The following WWC1 variants were observed in gnomAD, a reference collection of about 807,000 sequenced individuals.
The protein encoded by WWC1 is WW and C2 domain containing 1.
In WWC1, 55 loss-of-function variants were observed where a neutral mutation model predicts 138.4. That is an observed-to-expected ratio of 0.40 (90% confidence interval 0.32 to 0.50). The LOEUF is 0.50. Ranked by LOEUF, WWC1 falls within the 20% of genes least tolerant of loss-of-function variation. The probability of loss-of-function intolerance (pLI) is 0.72; values close to 1 mark genes in which losing one functional copy is unlikely to be tolerated. For synonymous variants in WWC1, 524 were observed against 564.9 expected, an observed-to-expected ratio of 0.93 and a Z score of 1.03; for missense variants, 1,226 against 1,420.4, an observed-to-expected ratio of 0.86 and a Z score of 2.20.
chr5:168,443,803 C>A (rs927265972), intron 16 of WWC1, among the ~76,000 whole-genome samples: 2 of 152,194 alleles, frequency 1.3e-5, no homozygotes, highest in Admixed American at 1.3e-4. Flanking sequence ...ACAAATTAAC[C>A]ATGTGCTCAG....
At chr5:168,305,968 G>GA (rs1770523637) in intron 1 of WWC1, among the ~76,000 whole-genome samples, 1 of 152,188 alleles carries the variant, frequency 6.6e-6, no homozygotes, top group African/African-American at 2.4e-5. Flanking sequence ...GAGATTAAAT[G>GA]AAAGTACCTT....
intron 1 of WWC1, among the ~76,000 whole-genome samples, chr5:168,370,436 G>A (rs78530879): frequency 0.012 from 1,868 of 152,268 alleles, 41 homozygotes; most frequent in African/African-American, 0.042. Context: ...GTCCTGTCCC[G>A]TTGTACTTCA....
intron 15 of WWC1, among the ~76,000 whole-genome samples, chr5:168,441,480 A>T (rs1014848311): frequency 1.3e-5 from 2 of 152,212 alleles, no homozygotes; most frequent in African/African-American, 4.8e-5. Flanking sequence ...AGATTTGGCA[A>T]ATGATTAAAC....
At chr5:168,452,314 C>G (rs907136863) in intron 17 of WWC1, among the ~76,000 whole-genome samples, 1 of 152,170 alleles carries the variant, frequency 6.6e-6, no homozygotes, top group Non-Finnish European at 1.5e-5. Flanking sequence ...GAAGCCCTAA[C>G]CCCTAGTACC....
At chr5:168,300,745 G>A (rs1218683603) in intron 1 of WWC1, among the ~76,000 whole-genome samples, 5 of 152,000 alleles carry the variant, frequency 3.3e-5, no homozygotes, top group Non-Finnish European at 7.4e-5. Context: ...GGCCTGTTTT[G>A]GTAGCAACCC....
rs1308427081 is a variant in WWC1, at chr5:168,421,915, G to T, written c.1185-93G>T. ...GCCGTGGTCAAATGCTTTACGGAAAGTTCTTGTGCCTGTGGGTCTGGGTGT... is the reference window on the plus strand; with the variant it reads ...GCCGTGGTCAAATGCTTTACGGAAATTTCTTGTGCCTGTGGGTCTGGGTGT... On this transcript the variant is annotated intron_variant, in intron 9 of 22. Coordinates refer to ENST00000265293, the MANE Select transcript of WWC1 (RefSeq NM_015238.3). 7.5e-6 allele frequency: 8 copies of T among 1,064,428 alleles called. No homozygotes were observed. The Admixed American group carries it at 1.4e-4, about 19-fold the overall frequency. 65.9% of individuals were successfully genotyped at this position (1,064,428 alleles called of 1,614,324 possible). A position where few individuals can be genotyped will look rare whatever the true frequency, so the allele number is the denominator to read the frequency against.
rs1491113608 is a variant in WWC1 at position 168,307,597 on chromosome 5, CCT to C, written c.119+15327_119+15328del. Reference sequence around the variant, plus strand: ...TGGCGATCAACATCTTTGATTTTACCCTTTTTTTTTTTTTTTTTTTAAATTGA... The same window carrying C: ...TGGCGATCAACATCTTTGATTTTACCTTTTTTTTTTTTTTTTTTAAATTGA... On this transcript the variant is annotated intron_variant, in intron 1 of 22. Coordinates refer to ENST00000265293, the MANE Select transcript of WWC1 (RefSeq NM_015238.3). Among the ~76,000 whole-genome samples, 19 of 118,832 alleles carry C rather than the reference CCT, an allele frequency of 1.6e-4. No homozygotes were observed. In the Admixed American group the frequency reaches 1.6e-3, roughly 10 times the overall value. The allele number at this position is 118,832 out of a possible 152,430, so 78.0% of individuals were successfully genotyped here.
At chr5:168,457,066 G>T (rs186781942) in intron 19 of WWC1, among the ~76,000 whole-genome samples, 54 of 149,768 alleles carry the variant, frequency 3.6e-4, no homozygotes, top group African/African-American at 1.3e-3. Flanking sequence ...TATTTATACC[G>T]TTTCTAAGCC....
intron 1 of WWC1, among the ~76,000 whole-genome samples, chr5:168,309,635 A>C (rs1770883224): frequency 6.6e-6 from 1 of 152,086 alleles, no homozygotes; most frequent in Non-Finnish European, 1.5e-5. Context: ...TTCCTATAGA[A>C]GCTTAGTGGA....
At chr5:168,367,641 C>T (rs1259603273) in intron 1 of WWC1, among the ~76,000 whole-genome samples, 1 of 152,098 alleles carries the variant, frequency 6.6e-6, no homozygotes, top group Non-Finnish European at 1.5e-5. Flanking sequence ...TTTTTATTAG[C>T]AGAGCTCGAG....
At chr5:168,432,455 C>A (rs1462122061) in intron 15 of WWC1, among the ~76,000 whole-genome samples, 6 of 152,298 alleles carry the variant, frequency 3.9e-5, no homozygotes, top group Middle Eastern at 3.4e-3. Flanking sequence ...TCAGCTTTCC[C>A]ATCTGTAGAA....
intron 17 of WWC1, among the ~76,000 whole-genome samples, chr5:168,447,884 T>C (rs1380316192): frequency 6.6e-6 from 1 of 151,894 alleles, no homozygotes; most frequent in Non-Finnish European, 1.5e-5. Flanking sequence ...TCTCTCTCTT[T>C]CTGCTTGGCA....
chr5:168,450,773 G>T (rs778185436), intron 17 of WWC1, among the ~76,000 whole-genome samples: 19 of 152,022 alleles, frequency 1.2e-4, no homozygotes, highest in Admixed American at 4.6e-4. Flanking sequence ...CAACTTTGAG[G>T]TAGGCAAAGA....
At position 168,423,382 on chromosome 5, in the gene WWC1, A is replaced by G. The variant is rs191260072; in HGVS notation, c.1275-151A>G. 6 of 819,140 alleles carry G rather than the reference A, an allele frequency of 7.3e-6. No homozygotes were observed. The Admixed American group carries it at 8.3e-5, about 11-fold the overall frequency. 50.7% of individuals were successfully genotyped at this position (819,140 alleles called of 1,614,324 possible). A position where few individuals can be genotyped will look rare whatever the true frequency, so the allele number is the denominator to read the frequency against. The stretch of plus-strand genomic sequence containing the variant: ...GATTATGTGGCCTTCTTGGGGTATC[A>G]GTTTTCCATGAAGTGGGGGTGAAGG... On this transcript the variant is annotated intron_variant, in intron 10 of 22. Coordinates refer to ENST00000265293, the MANE Select transcript of WWC1 (RefSeq NM_015238.3).
chr5:168,359,504 T>C (rs1326991975), intron 1 of WWC1, among the ~76,000 whole-genome samples: 1 of 152,216 alleles, frequency 6.6e-6, no homozygotes, highest in East Asian at 1.9e-4. Flanking sequence ...GATGGACATA[T>C]GGATTGTTTC....
chr5:168,443,280 C>T (rs1754958071), intron 16 of WWC1, among the ~76,000 whole-genome samples: 1 of 152,100 alleles, frequency 6.6e-6, no homozygotes, highest in Admixed American at 6.6e-5. Flanking sequence ...TTTTCTTTGT[C>T]TCTTTCTCCT....
chr5:168,433,350 G>C (rs1324706354), intron 15 of WWC1, among the ~76,000 whole-genome samples: 2 of 152,192 alleles, frequency 1.3e-5, no homozygotes, highest in Non-Finnish European at 2.9e-5. Flanking sequence ...ATCACACTTT[G>C]GGTAGCAAGA....
intron 1 of WWC1, among the ~76,000 whole-genome samples, chr5:168,295,338 G>A (rs1769440327): frequency 6.6e-6 from 1 of 152,098 alleles, no homozygotes; most frequent in African/African-American, 2.4e-5. Context: ...ATGAGAAAAA[G>A]GAAGAAGAAA....
intron 2 of WWC1, among the ~76,000 whole-genome samples, chr5:168,371,769 T>A (rs1177861966): frequency 1.3e-5 from 2 of 152,170 alleles, no homozygotes; most frequent in Admixed American, 6.6e-5. Flanking sequence ...TCACAATCCA[T>A]CTCCCCAATT....
Sources: gnomAD v4.1 joint callset for allele counts (sites outside exome capture counted in the v4.1 genomes callset) on GRCh38, gnomAD v4.1.1 for gene constraint, MANE v1.5 for transcripts, NCBI Gene and HGNC (gene_info 2026-07-23, HGNC 2026-07-21) for gene names.